IFT57: variants seen among roughly 807,000 people sequenced by gnomAD.
The protein encoded by IFT57 is intraflagellar transport 57, also known as intraflagellar transport protein 57 homolog.
Under a neutral mutation model 56.8 loss-of-function variants are expected in IFT57, and 59 were observed. That is an observed-to-expected ratio of 1.04 (90% CI 0.84 to 1.29). IFT57 has a LOEUF of 1.29. IFT57 is among the 50% of genes most tolerant of loss of function. The probability of loss-of-function intolerance (pLI) is 0.00; values close to 1 mark genes in which losing one functional copy is unlikely to be tolerated. For synonymous variants in IFT57, 209 were observed against 186.1 expected, an observed-to-expected ratio of 1.12 and a Z score of -1.00; for missense variants, 470 against 522.1, an observed-to-expected ratio of 0.90 and a Z score of 0.97.
intron 5 of IFT57, among the ~76,000 whole-genome samples, chr3:108,198,600 C>T (rs149944154): frequency 1.2e-3 from 177 of 152,246 alleles, no homozygotes; most frequent in African/African-American, 4.0e-3. Flanking sequence ...CACCACCATG[C>T]CTGGCTGATT....
chr3:108,165,463 C>T lies in IFT57; in HGVS notation c.1012G>A (p.Gly338Arg), dbSNP rs1319587298. ...AKERYQQGNG[G>R]VTERTRLLSE... ...AGGAGTCTGGTTCTTTCCGTCACTC[C>T]TCCATTTCCCTGCTGGTATCGCTCC... The change falls in exon 9 of 11, where the codon GGA (glycine) becomes AGA (arginine). Residue 338 changes from glycine (G) to arginine (R), a missense_variant. Gly to Arg is a moderately radical substitution (Grantham distance 125). Transcript: ENST00000264538. 1 of 1,612,818 alleles carries T rather than the reference C, an allele frequency of 6.2e-7. No homozygotes were observed. The highest frequency in any genetic ancestry group is 8.5e-7 in the Non-Finnish European group (1 of 1,179,124).
chr3:108,189,847 A>G (rs991465491), intron 6 of IFT57, among the ~76,000 whole-genome samples: 2 of 152,220 alleles, frequency 1.3e-5, no homozygotes, highest in Admixed American at 6.5e-5. Flanking sequence ...TGTTATATGT[A>G]TTATATACTG....
chr3:108,197,146 A>G (rs1345714253), intron 5 of IFT57, among the ~76,000 whole-genome samples: 1 of 152,220 alleles, frequency 6.6e-6, no homozygotes, highest in Non-Finnish European at 1.5e-5. Context: ...CTGCTGCAGA[A>G]GAAACAATTA....
chr3:108,210,354 G>A (rs1426420069), intron 4 of IFT57, among the ~76,000 whole-genome samples: 2 of 82,160 alleles, frequency 2.4e-5, no homozygotes, highest in Admixed American at 2.6e-4. Flanking sequence ...TTTTTTTTGA[G>A]ACAGAGTCTC....
intron 6 of IFT57, among the ~76,000 whole-genome samples, chr3:108,185,551 ATTTTTTTTT>A (rs1179200943): frequency 1.1e-5 from 1 of 87,292 alleles, no homozygotes; most frequent in Non-Finnish European, 2.1e-5. Flanking sequence ...GAGCACTAGG[ATTTTTTTTT>A]TTTTTTTTTT....
intron 8 of IFT57, among the ~76,000 whole-genome samples, chr3:108,166,240 A>G (rs150497182): frequency 6.6e-6 from 1 of 152,200 alleles, no homozygotes; most frequent in African/African-American, 2.4e-5. Flanking sequence ...CTTCTTTAAC[A>G]TCAGAAAATA....
chr3:108,195,338 G>A (rs1275592369), intron 5 of IFT57, among the ~76,000 whole-genome samples: 5 of 150,500 alleles, frequency 3.3e-5, no homozygotes, highest in African/African-American at 1.2e-4. Flanking sequence ...TGCTGGCAAG[G>A]ATATGGAGAA....
chr3:108,169,780 A>G (rs539000040), intron 6 of IFT57, among the ~76,000 whole-genome samples: 1 of 152,146 alleles, frequency 6.6e-6, no homozygotes, highest in South Asian at 2.1e-4. Context: ...ATCCAGCAGC[A>G]CATCAAAAAG....
rs541882163 is a variant in IFT57 at position 108,207,818 on chromosome 3, C to T, written c.586-1122G>A. Among the ~76,000 whole-genome samples the T allele has an allele frequency of 4.6e-5, 7 of 152,090 alleles. No homozygotes were observed. The South Asian group carries it at 8.3e-4, about 18-fold the overall frequency. ...CAGCACTTTGGGAGGCCGAGGCAGG[C>T]GGATCACGAGGTCAGGAGATCGAGA... On this transcript the variant is annotated intron_variant, in intron 4 of 10. Transcript: ENST00000264538.
intron 5 of IFT57, 108 bp from the exon 6 acceptor site, chr3:108,191,751 A>G: frequency 1.8e-6 from 1 of 564,860 alleles, no homozygotes; most frequent in East Asian, 3.3e-5. Flanking sequence ...TGGTAGTGTT[A>G]AAATTATAGT....
chr3:108,219,910 TGAAAATGGTAATCTGGAA>T (rs2080396266), intron 1 of IFT57, among the ~76,000 whole-genome samples: 1 of 152,218 alleles, frequency 6.6e-6, no homozygotes, highest in African/African-American at 2.4e-5. Context: ...ACCTTATGAA[TGAAAATGGTAATCTGGAA>T]GAACCTCAGA....
intron 8 of IFT57, among the ~76,000 whole-genome samples, chr3:108,165,924 A>C (rs1392667034): frequency 6.6e-6 from 1 of 152,094 alleles, no homozygotes; most frequent in Non-Finnish European, 1.5e-5. Flanking sequence ...CAGTACACTC[A>C]ACTGGAGTAT....
intron 6 of IFT57, among the ~76,000 whole-genome samples, chr3:108,190,913 C>T (rs150435269): frequency 0.012 from 1,892 of 152,250 alleles, 40 homozygotes; most frequent in African/African-American, 0.044. Context: ...CTGCCTCAGC[C>T]TCCTGAGTAG....
intron 5 of IFT57, among the ~76,000 whole-genome samples, chr3:108,205,213 T>G (rs1576046162): frequency 6.6e-6 from 1 of 152,146 alleles, no homozygotes; most frequent in African/African-American, 2.4e-5. Context: ...TGCTGAGTAC[T>G]TTCTATGTGA....
chr3:108,172,641 G>A (rs1458170295), intron 6 of IFT57, among the ~76,000 whole-genome samples: 1 of 151,784 alleles, frequency 6.6e-6, no homozygotes, highest in African/African-American at 2.4e-5. Flanking sequence ...TGCATCAAGG[G>A]ACATTGTAGA....
At chr3:108,186,002 A>C (rs2080179991) in intron 6 of IFT57, among the ~76,000 whole-genome samples, 1 of 152,148 alleles carries the variant, frequency 6.6e-6, no homozygotes, top group Non-Finnish European at 1.5e-5. Flanking sequence ...AAGGCACTGA[A>C]GTGGTCTAGT....
chr3:108,178,635 A>C (rs571055822), intron 6 of IFT57, among the ~76,000 whole-genome samples: 2 of 152,090 alleles, frequency 1.3e-5, no homozygotes, highest in East Asian at 1.9e-4. Flanking sequence ...GCTTATGAAA[A>C]AGTGGCTCAA....
chr3:108,221,626 G>A (rs1047991666), intron 1 of IFT57, among the ~76,000 whole-genome samples: 1 of 152,100 alleles, frequency 6.6e-6, no homozygotes, highest in African/African-American at 2.4e-5. Flanking sequence ...AAGTACCCAC[G>A]GTCCCCAGTT....
At chr3:108,175,384 A>T (rs2080118750) in intron 6 of IFT57, among the ~76,000 whole-genome samples, 1 of 151,828 alleles carries the variant, frequency 6.6e-6, no homozygotes, top group African/African-American at 2.4e-5. Context: ...TAAATAGCAA[A>T]GGTATCATTG....
Sources: gnomAD v4.1 joint callset for allele counts (sites outside exome capture counted in the v4.1 genomes callset) on GRCh38, gnomAD v4.1.1 for gene constraint, MANE v1.5 for transcripts, NCBI Gene and HGNC (gene_info 2026-07-23, HGNC 2026-07-21) for gene names.